The following CHODL variants were observed in gnomAD, a reference collection of about 807,000 sequenced individuals.
CHODL encodes chondrolectin.
A neutral mutation model predicts 34.5 loss-of-function variants in CHODL; 29 were observed. That is an observed-to-expected ratio of 0.84 (90% confidence interval 0.63 to 1.15). CHODL has a LOEUF of 1.15. CHODL is among the 50% of genes most tolerant of loss of function. The pLI is 0.00. For missense variants in CHODL, 332 were observed against 332.5 expected, an observed-to-expected ratio of 1.00 and a Z score of 0.01; for synonymous variants, 125 against 116.1, an observed-to-expected ratio of 1.08 and a Z score of -0.49.
chr21:18,069,397 A>G (rs891970780), intron 2 of CHODL, among the ~76,000 whole-genome samples: 1 of 152,138 alleles, frequency 6.6e-6, no homozygotes, highest in Non-Finnish European at 1.5e-5. Flanking sequence ...CAAATACACT[A>G]GTGGATATCA....
intron 1 of CHODL, among the ~76,000 whole-genome samples, chr21:18,022,730 T>C (rs2064139225): frequency 6.6e-6 from 1 of 152,244 alleles, no homozygotes; most frequent in African/African-American, 2.4e-5. Context: ...TTTATTCTTT[T>C]GTCATGGGAA....
At chr21:18,249,587 A>G (rs2074210497) in intron 1 of CHODL, among the ~76,000 whole-genome samples, 1 of 152,152 alleles carries the variant, frequency 6.6e-6, no homozygotes, top group Non-Finnish European at 1.5e-5. Flanking sequence ...TGATTCTGAC[A>G]TAGATAACAT....
intron 1 of CHODL, among the ~76,000 whole-genome samples, chr21:18,248,087 G>A (rs564221746): frequency 1.9e-3 from 282 of 151,558 alleles, no homozygotes; most frequent in Non-Finnish European, 2.9e-3. Context: ...ATGACATTAG[G>A]AATATTTCAT....
intron 2 of CHODL, among the ~76,000 whole-genome samples, chr21:18,150,063 G>C (rs1484405375): frequency 6.6e-6 from 1 of 152,104 alleles, no homozygotes; most frequent in Non-Finnish European, 1.5e-5. Flanking sequence ...TATTGGTTTG[G>C]TCCAGAAAGG....
intron 2 of CHODL, among the ~76,000 whole-genome samples, chr21:18,091,753 A>G (rs1600991327): frequency 6.6e-6 from 1 of 152,046 alleles, no homozygotes; most frequent in African/African-American, 2.4e-5. Flanking sequence ...GGCAGCATTC[A>G]CCACAAGCTG....
intron 1 of CHODL, among the ~76,000 whole-genome samples, chr21:17,982,696 C>CTT (rs397867753): frequency 9.6e-3 from 604 of 63,032 alleles, no homozygotes; most frequent in Middle Eastern, 0.016. Flanking sequence ...TATATATATT[C>CTT]TTTTTTTTTT....
chr21:18,187,124 A>G (rs1464410182), intron 2 of CHODL, among the ~76,000 whole-genome samples: 1 of 152,204 alleles, frequency 6.6e-6, no homozygotes, highest in Non-Finnish European at 1.5e-5. Context: ...GTGGAGGATT[A>G]TCTGAGGGTT....
chr21:18,039,930 T>A lies in CHODL; in HGVS notation c.-45+11959T>A, dbSNP rs117506804. ...TAGATATTAGTTTTCATTTAACACA[T>A]GTTGAGACTTTAATCCTTATTGGGT... On this transcript the variant is annotated intron_variant, in intron 2 of 6. Transcript: ENST00000400127. Among the ~76,000 whole-genome samples the A allele has an allele frequency of 5.9e-4, 90 of 151,946 alleles. 2 individuals are homozygous for A. The highest frequency in any genetic ancestry group is 3.7e-3 in the Admixed American group (57 of 15,232).
At chr21:18,161,620 C>A (rs995537503) in intron 2 of CHODL, among the ~76,000 whole-genome samples, 5 of 152,154 alleles carry the variant, frequency 3.3e-5, no homozygotes, top group African/African-American at 1.2e-4. Context: ...TAGTCTTGTG[C>A]ATGCTGTTTG....
chr21:18,025,443 T>C (rs1404337000), intron 1 of CHODL, among the ~76,000 whole-genome samples: 2 of 152,206 alleles, frequency 1.3e-5, no homozygotes, highest in Non-Finnish European at 2.9e-5. Context: ...CCCCTCTGGC[T>C]ATCATCTTAT....
intron 2 of CHODL, among the ~76,000 whole-genome samples, chr21:18,032,428 A>G (rs2064258387): frequency 6.6e-6 from 1 of 152,072 alleles, no homozygotes; most frequent in South Asian, 2.1e-4. Flanking sequence ...GAGAAAATAG[A>G]TTTTTGACCC....
chr21:18,184,371 A>C (rs1440682054), intron 2 of CHODL, among the ~76,000 whole-genome samples: 1 of 152,220 alleles, frequency 6.6e-6, no homozygotes, highest in Admixed American at 6.5e-5. Context: ...ATACTAAGTG[A>C]AATTTAGACT....
intron 2 of CHODL, among the ~76,000 whole-genome samples, chr21:18,031,958 G>GT (rs2064253150): frequency 6.6e-6 from 1 of 152,040 alleles, no homozygotes; most frequent in Non-Finnish European, 1.5e-5. Context: ...TCATTTATAT[G>GT]ATTTTTTGGC....
At chr21:18,095,907 T>C (rs544581314) in intron 2 of CHODL, among the ~76,000 whole-genome samples, 69 of 152,318 alleles carry the variant, frequency 4.5e-4, no homozygotes, top group Non-Finnish European at 8.1e-4. Flanking sequence ...AAAAACCATA[T>C]GATCGTTTCA....
chr21:17,956,748 C>T lies in CHODL; in HGVS notation c.-145+39348C>T, dbSNP rs2063496371. On this transcript the variant is annotated intron_variant, in intron 1 of 6. Coordinates refer to the CHODL transcript ENST00000400127. The stretch of plus-strand genomic sequence containing the variant: ...ATCTGGAGTTTTTTCTATGAGTGCA[C>T]TAATCCCATTCATGAGAGCTGTGTC... 1.5e-5 allele frequency among the ~76,000 whole-genome samples: 2 copies of T among 136,102 alleles called. 1 individual carries two copies. The highest frequency in any genetic ancestry group is 5.7e-4 in the South Asian group (2 of 3,486). The allele number at this position is 136,102 out of a possible 152,430, so 89.3% of individuals were successfully genotyped here.
At chr21:18,093,710 C>T (rs1000785810) in intron 2 of CHODL, among the ~76,000 whole-genome samples, 1 of 151,918 alleles carries the variant, frequency 6.6e-6, no homozygotes, top group Non-Finnish European at 1.5e-5. Flanking sequence ...CTTGTAGTAA[C>T]ATCAAATTGA....
chr21:17,961,486 C>T (rs1042581947), intron 1 of CHODL, among the ~76,000 whole-genome samples: 12 of 152,136 alleles, frequency 7.9e-5, no homozygotes, highest in African/African-American at 2.7e-4. Context: ...CAGAGGCATC[C>T]AGGGAAAATG....
chr21:18,163,672 T>G (rs937864189), intron 2 of CHODL, among the ~76,000 whole-genome samples: 2 of 152,208 alleles, frequency 1.3e-5, no homozygotes, highest in African/African-American at 4.8e-5. Context: ...ATAGTACATT[T>G]GCTAACTTAA....
At chr21:17,969,238 A>G (rs1225690361) in intron 1 of CHODL, among the ~76,000 whole-genome samples, 3 of 152,208 alleles carry the variant, frequency 2.0e-5, no homozygotes, top group Non-Finnish European at 4.4e-5. Context: ...CTGTTGCACA[A>G]ATTATAGCCA....
Sources: allele counts gnomAD v4.1 joint callset (sites outside exome capture counted in the v4.1 genomes callset), GRCh38; gene constraint gnomAD v4.1.1; transcripts MANE v1.5; gene names NCBI Gene and HGNC (gene_info 2026-07-23, HGNC 2026-07-21).